SGCZ: variants seen among roughly 807,000 people sequenced by gnomAD.
SGCZ encodes zeta-sarcoglycan.
SGCZ carries 40 observed loss-of-function variants against 41.3 expected under a neutral mutation model. That is an observed-to-expected ratio of 0.97 (90% CI 0.75 to 1.26). SGCZ has a LOEUF of 1.26. SGCZ is among the 50% of genes most tolerant of loss of function. SGCZ has a pLI of 0.00. For synonymous variants in SGCZ, 206 were observed against 137.5 expected, an observed-to-expected ratio of 1.50 and a Z score of -3.49; for missense variants, 552 against 369.8, an observed-to-expected ratio of 1.49 and a Z score of -4.04.
At chr8:14,947,268 G>A (rs1391592938) in intron 1 of SGCZ, among the ~76,000 whole-genome samples, 1 of 152,200 alleles carries the variant, frequency 6.6e-6, no homozygotes, top group Non-Finnish European at 1.5e-5. Context: ...TGGACCATTA[G>A]CAAACACACA....
rs1281051229 is a variant in SGCZ at position 14,878,398 on chromosome 8, T to C, written c.40-323472A>G. Among the ~76,000 whole-genome samples, 8 of 151,966 alleles carry C rather than the reference T, an allele frequency of 5.3e-5. No individual in the cohort carries two copies. The South Asian group carries it at 8.3e-4, about 16-fold the overall frequency. ...TTAACAACTGTGAGAAAAAAAAAGA[T>C]TGGAGTCATTTGGGGAAAAAAAGGA... On this transcript the variant is annotated intron_variant, in intron 1 of 7. Coordinates refer to ENST00000382080, the MANE Select transcript of SGCZ (RefSeq NM_139167.4).
chr8:14,195,568 CA>C (rs1290237497), intron 4 of SGCZ, among the ~76,000 whole-genome samples: 6 of 151,928 alleles, frequency 3.9e-5, no homozygotes, highest in Non-Finnish European at 7.4e-5. Context: ...ATCCTCAGCA[CA>C]AAAATACAAA....
In SGCZ at chr8:14,145,418, T is replaced by C. The variant is rs545200902; in HGVS notation, c.547+19162A>G. On this transcript the variant is annotated intron_variant, in intron 5 of 7. Coordinates refer to ENST00000382080, the MANE Select transcript of SGCZ (RefSeq NM_139167.4). ...CACCCTATAGCAGATACAGGTTAGA[T>C]CACAACACCCAAGTCCTTTCAAATA... Among the ~76,000 whole-genome samples, 6 of 152,214 alleles carry C rather than the reference T, an allele frequency of 3.9e-5. No homozygotes were observed. In the East Asian group the frequency reaches 1.2e-3, roughly 29 times the overall value.
intron 1 of SGCZ, among the ~76,000 whole-genome samples, chr8:14,795,577 G>C (rs1384679215): frequency 6.6e-6 from 1 of 152,080 alleles, no homozygotes; most frequent in East Asian, 1.9e-4. Flanking sequence ...CATGTAACTA[G>C]CACATGCCAT....
rs113351058 is a variant in SGCZ, at chr8:15,042,823, C to T, written c.39+194762G>A. On this transcript the variant is annotated intron_variant, in intron 1 of 7. Transcript: ENST00000382080. The stretch of plus-strand genomic sequence containing the variant: ...ACATCAAACAAGAAGAGTTTTCGCT[C>T]GGTCAAACCCAGGCTTCCCACTTGC... Among the ~76,000 whole-genome samples, 226 of 152,248 alleles carry T rather than the reference C, an allele frequency of 1.5e-3. 1 individual carries two copies. Among genetic ancestry groups the T allele is most frequent in the African/African-American group, 4.9e-3 (204 of 41,538 alleles).
chr8:14,682,492 T>C (rs1042735654), intron 1 of SGCZ, among the ~76,000 whole-genome samples: 3 of 149,932 alleles, frequency 2.0e-5, no homozygotes, highest in African/African-American at 7.3e-5. Flanking sequence ...TGGAGTGCAG[T>C]GGTGCAATCA....
At chr8:14,453,881 A>C (rs1274917494) in intron 2 of SGCZ, among the ~76,000 whole-genome samples, 1 of 152,238 alleles carries the variant, frequency 6.6e-6, no homozygotes, top group African/African-American at 2.4e-5. Flanking sequence ...ACTGTCTCCT[A>C]AAATTATTTT....
At chr8:14,396,319 A>G (rs1585450221) in intron 2 of SGCZ, among the ~76,000 whole-genome samples, 1 of 151,502 alleles carries the variant, frequency 6.6e-6, no homozygotes, top group Non-Finnish European at 1.5e-5. Flanking sequence ...ATTTCCCTTT[A>G]TTGTTCTAAC....
intron 1 of SGCZ, among the ~76,000 whole-genome samples, chr8:15,171,632 G>A (rs1799833127): frequency 6.6e-6 from 1 of 152,186 alleles, no homozygotes; most frequent in African/African-American, 2.4e-5. Context: ...TGAATTAGAA[G>A]TTCTTCTGAT....
At chr8:15,103,791 G>A (rs1234638572) in intron 1 of SGCZ, among the ~76,000 whole-genome samples, 1 of 152,078 alleles carries the variant, frequency 6.6e-6, no homozygotes, top group African/African-American at 2.4e-5. Flanking sequence ...AGCATAATGG[G>A]AGAGAAAGAA....
At chr8:15,210,883 AC>A (rs1277668811) in intron 1 of SGCZ, among the ~76,000 whole-genome samples, 1 of 151,998 alleles carries the variant, frequency 6.6e-6, no homozygotes, top group Non-Finnish European at 1.5e-5. Context: ...CCAGTTTAGA[AC>A]CCCACATCCA....
chr8:15,067,411 A>G (rs1368798025), intron 1 of SGCZ, among the ~76,000 whole-genome samples: 2 of 152,182 alleles, frequency 1.3e-5, no homozygotes, highest in African/African-American at 2.4e-5. Context: ...AGGTACGTAA[A>G]TCTTATTATC....
intron 1 of SGCZ, among the ~76,000 whole-genome samples, chr8:14,949,264 T>C (rs1563384548): frequency 6.6e-6 from 1 of 152,170 alleles, no homozygotes; most frequent in Non-Finnish European, 1.5e-5. Flanking sequence ...TTTTCGCCTT[T>C]CAAGGAAGAA....
intron 1 of SGCZ, among the ~76,000 whole-genome samples, chr8:14,938,623 A>AT (rs1800163248): frequency 6.6e-6 from 1 of 152,104 alleles, no homozygotes; most frequent in African/African-American, 2.4e-5. Flanking sequence ...TTAGTAGCTA[A>AT]TTTTGGGGAA....
chr8:14,939,993 G>A (rs767839960), intron 1 of SGCZ, among the ~76,000 whole-genome samples: 11 of 152,118 alleles, frequency 7.2e-5, no homozygotes, highest in African/African-American at 1.4e-4. Flanking sequence ...TAGCACAGCA[G>A]ACAGTCAATA....
At chr8:14,496,850 T>A (rs759889400) in intron 2 of SGCZ, among the ~76,000 whole-genome samples, 23 of 152,222 alleles carry the variant, frequency 1.5e-4, no homozygotes, top group Non-Finnish European at 2.6e-4. Flanking sequence ...GTATACATTT[T>A]TCTTAAAGAG....
chr8:14,278,415 C>A (rs1318596048), intron 3 of SGCZ, among the ~76,000 whole-genome samples: 1 of 152,062 alleles, frequency 6.6e-6, no homozygotes, highest in South Asian at 2.1e-4. Context: ...CCTTACTGAG[C>A]CATCCAAATA....
chr8:14,996,472 G>A (rs1802224362), intron 1 of SGCZ, among the ~76,000 whole-genome samples: 1 of 152,120 alleles, frequency 6.6e-6, no homozygotes, highest in Non-Finnish European at 1.5e-5. Context: ...TGCAATCACA[G>A]CTTACCGCAG....
intron 1 of SGCZ, among the ~76,000 whole-genome samples, chr8:14,875,023 G>A (rs578119905): frequency 6.6e-6 from 1 of 152,170 alleles, no homozygotes; most frequent in African/African-American, 2.4e-5. Context: ...AGCATAAAAG[G>A]GTATCTTTGT....
Sources: gnomAD v4.1 joint callset for allele counts (sites outside exome capture counted in the v4.1 genomes callset) on GRCh38, gnomAD v4.1.1 for gene constraint, MANE v1.5 for transcripts, NCBI Gene and HGNC (gene_info 2026-07-23, HGNC 2026-07-21) for gene names.